VAPA: variants seen among roughly 807,000 people sequenced by gnomAD.
VAPA encodes vesicle-associated membrane protein-associated protein A.
Under a neutral mutation model 25.6 loss-of-function variants are expected in VAPA, and 6 were observed. The observed-to-expected ratio is 0.23, with a 90% CI of 0.13 to 0.46. The LOEUF is 0.46. Ranked by LOEUF, VAPA falls within the 20% of genes least tolerant of loss-of-function variation. VAPA has a pLI of 0.99. For missense variants in VAPA, 244 were observed against 302.1 expected, an observed-to-expected ratio of 0.81 and a Z score of 1.43; for synonymous variants, 112 against 106.2, an observed-to-expected ratio of 1.05 and a Z score of -0.34.
intron 2 of VAPA, among the ~76,000 whole-genome samples, chr18:9,934,465 G>A (rs1380838077): frequency 6.6e-6 from 1 of 152,290 alleles, no homozygotes; most frequent in Admixed American, 6.5e-5. Context: ...GTATTCTGAG[G>A]CATTTTATCC....
At position 9,955,519 on chromosome 18, in the gene VAPA, A is replaced by G. The variant is rs968555579; in HGVS notation, c.*1308A>G. ...TCCAGTGTTTAGCTACATACAATCT[A>G]GTACAAGTGAATTTTTATTCTTAAA... On this transcript the variant is annotated 3_prime_UTR_variant, in exon 6 of 6. Coordinates refer to ENST00000400000, the MANE Select transcript of VAPA (RefSeq NM_194434.3). The G allele has an allele frequency of 6.6e-6, 1 of 152,216 alleles. No individual in the cohort carries two copies. The highest frequency in any genetic ancestry group is 2.4e-5 in the African/African-American group (1 of 41,460). 9.4% of individuals were successfully genotyped at this position (152,216 alleles called of 1,614,324 possible).
At chr18:9,950,710 C>G in intron 5 of VAPA, 142 bp downstream of exon 5, 1 of 746,258 alleles carries the variant, frequency 1.3e-6, no homozygotes, top group African/African-American at 1.8e-5. Context: ...TGCTCCCCAC[C>G]CTACTCCTCT....
At chr18:9,918,981 G>A (rs999778893) in intron 1 of VAPA, among the ~76,000 whole-genome samples, 2 of 152,114 alleles carry the variant, frequency 1.3e-5, no homozygotes, top group African/African-American at 4.8e-5. Flanking sequence ...GCTCACTGCA[G>A]CCGTGACCTC....
rs1027069110 is a variant in VAPA at position 9,914,218 on chromosome 18, G to C, written c.-39G>C. 8 of 1,549,658 alleles carry C rather than the reference G, an allele frequency of 5.2e-6. No individual in the cohort carries two copies. The highest frequency in any genetic ancestry group is 1.9e-5 in the Admixed American group (1 of 53,836). The stretch of plus-strand genomic sequence containing the variant: ...GTCCCCCGCCCCCAGTCAGCAAACC[G>C]CCGCCGCGGGCGCGCCCCCGCTCTG... On this transcript the variant is annotated 5_prime_UTR_variant, in exon 1 of 6. Transcript: ENST00000400000.
At chr18:9,934,197 T>C (rs1048683293) in intron 2 of VAPA, among the ~76,000 whole-genome samples, 1 of 152,246 alleles carries the variant, frequency 6.6e-6, no homozygotes, top group African/African-American at 2.4e-5. Flanking sequence ...CTGTACTACA[T>C]GCTCATTTCT....
rs771989570 is a variant in VAPA at position 9,936,153 on chromosome 18, A to G, written c.276A>G (p.Lys92=). ...ACTATGATCCGAATGAAAAGAGTAA[A>G]CACAAGTTTATGGTACAGACAATTT... is the stretch of plus-strand genomic sequence containing the variant. ...PFDYDPNEKS[K]HKFMVQTIFA... is the part of the protein sequence containing the mutation. Residue 92 remains lysine (K), a synonymous_variant, in exon 3 of 6, where the codon AAA becomes AAG. Coordinates refer to ENST00000400000, the MANE Select transcript of VAPA (RefSeq NM_194434.3). 9 of 1,608,790 alleles carry G rather than the reference A, an allele frequency of 5.6e-6. No homozygotes were observed. The East Asian group carries it at 2.0e-4, about 36-fold the overall frequency.
intron 1 of VAPA, chr18:9,923,778 T>C (rs1405705327): frequency 6.6e-6 from 1 of 152,246 alleles, no homozygotes; most frequent in Non-Finnish European, 1.5e-5. Context: ...TCTGAATTTT[T>C]TCAGTTTTTT....
intron 4 of VAPA, chr18:9,948,100 A>C (rs1290025155): frequency 6.6e-6 from 1 of 152,120 alleles, no homozygotes; most frequent in East Asian, 1.9e-4. Context: ...ATTGGTTATC[A>C]TTTCTTCTCC....
At chr18:9,921,452 A>G (rs1398802875) in intron 1 of VAPA, among the ~76,000 whole-genome samples, 1 of 152,262 alleles carries the variant, frequency 6.6e-6, no homozygotes, top group Admixed American at 6.5e-5. Context: ...TGAAGCAGAA[A>G]AATGCATATA....
intron 1 of VAPA, among the ~76,000 whole-genome samples, chr18:9,917,010 C>G (rs563967159): frequency 6.6e-6 from 1 of 152,296 alleles, no homozygotes; most frequent in Admixed American, 6.5e-5. Context: ...GTACATTTTT[C>G]TGTATACCTC....
rs544420325 is a variant in VAPA, at chr18:9,931,136, C to A, written c.80-674C>A. Among the ~76,000 whole-genome samples the A allele has an allele frequency of 2.0e-5, 3 of 152,282 alleles. No homozygotes were observed. In the South Asian group the frequency reaches 6.2e-4, roughly 32 times the overall value. ...TGGAACATGTTTTTATGTTCTTCCTCCAAATTAACAGGTATTTATTTTGTT... is the reference window on the plus strand; with the variant it reads ...TGGAACATGTTTTTATGTTCTTCCTACAAATTAACAGGTATTTATTTTGTT... On this transcript the variant is annotated intron_variant, in intron 1 of 5. Transcript: ENST00000400000.
At chr18:9,916,607 A>G (rs2069113963) in intron 1 of VAPA, among the ~76,000 whole-genome samples, 2 of 152,112 alleles carry the variant, frequency 1.3e-5, no homozygotes, top group African/African-American at 4.8e-5. Flanking sequence ...TGATTCCTTA[A>G]TATTATCGTT....
At position 9,954,289 on chromosome 18, in the gene VAPA, T is replaced by C; in HGVS notation, c.*78T>C. ...AAGATTTGTTTACCTACCATTTCATTGGTAGTATGGCCCACGGTGACCATT... is the reference window on the plus strand; with the variant it reads ...AAGATTTGTTTACCTACCATTTCATCGGTAGTATGGCCCACGGTGACCATT... On this transcript the variant is annotated 3_prime_UTR_variant, in exon 6 of 6. Coordinates refer to ENST00000400000, the MANE Select transcript of VAPA (RefSeq NM_194434.3). 1.5e-6 allele frequency: 2 copies of C among 1,352,010 alleles called. No homozygotes were observed. The highest frequency in any genetic ancestry group is 2.0e-6 in the Non-Finnish European group (2 of 983,262). 83.8% of individuals were successfully genotyped at this position (1,352,010 alleles called of 1,614,324 possible).
At position 9,953,651 on chromosome 18, in the gene VAPA, C is replaced by G. The variant is rs576807706; in HGVS notation, c.592-402C>G. Among the ~76,000 whole-genome samples, 6 of 152,196 alleles carry G rather than the reference C, an allele frequency of 3.9e-5. No homozygotes were observed. In the South Asian group the frequency reaches 1.2e-3, roughly 32 times the overall value. The stretch of plus-strand genomic sequence containing the variant: ...GGACGGATGTAACTGATTTTAAATA[C>G]CATGGGCCACCTTGGAAGTACTCTT... On this transcript the variant is annotated intron_variant, in intron 5 of 5. Coordinates refer to ENST00000400000, the MANE Select transcript of VAPA (RefSeq NM_194434.3).
rs1303805423 is a variant in VAPA, at chr18:9,956,925, A to G, written c.*2714A>G. 2.0e-5 allele frequency: 3 copies of G among 152,206 alleles called. No homozygotes were observed. The highest frequency in any genetic ancestry group is 1.5e-5 in the Non-Finnish European group (1 of 68,040). The allele number at this position is 152,206 out of a possible 1,614,324, so 9.4% of individuals were successfully genotyped here. Reference sequence around the variant, plus strand: ...AACTTCCCCCATTCTTATATTTACAAGAAGCTAAGTCATTATGTTCTGAGT... The same window carrying G: ...AACTTCCCCCATTCTTATATTTACAGGAAGCTAAGTCATTATGTTCTGAGT... On this transcript the variant is annotated 3_prime_UTR_variant, in exon 6 of 6. Coordinates refer to ENST00000400000, the MANE Select transcript of VAPA (RefSeq NM_194434.3).
intron 1 of VAPA, among the ~76,000 whole-genome samples, chr18:9,923,677 T>C (rs1347318112): frequency 3.9e-5 from 6 of 152,182 alleles, no homozygotes; most frequent in African/African-American, 1.4e-4. Context: ...TTTTAAAGCC[T>C]GTAGGGCCAG....
rs1367965694 is a variant in VAPA, at chr18:9,914,250, C to T, written c.-7C>T. ...CGGGCGCGCCCCCGCTCTGCGCTGTCTCTCCGATGGCGTCCGCCTCAGGGG... is the reference window on the plus strand; with the variant it reads ...CGGGCGCGCCCCCGCTCTGCGCTGTTTCTCCGATGGCGTCCGCCTCAGGGG... On this transcript the variant is annotated 5_prime_UTR_variant, in exon 1 of 6. Transcript: ENST00000400000. The T allele has an allele frequency of 7.0e-6, 11 of 1,579,552 alleles. No individual in the cohort carries two copies. The African/African-American group carries it at 7.1e-5, about 10-fold the overall frequency.
intron 4 of VAPA, among the ~76,000 whole-genome samples, chr18:9,943,915 C>T (rs1342066832): frequency 8.6e-6 from 1 of 116,784 alleles, no homozygotes; most frequent in Non-Finnish European, 1.6e-5. Flanking sequence ...GGCTGGAGTG[C>T]AGTGGCGCGA....
At chr18:9,928,712 A>G (rs916785336) in intron 1 of VAPA, among the ~76,000 whole-genome samples, 4 of 152,016 alleles carry the variant, frequency 2.6e-5, no homozygotes, top group Admixed American at 2.0e-4. Flanking sequence ...ACATAAGGGG[A>G]AAAAAAGGAA....
Sources: allele counts gnomAD v4.1 joint callset (sites outside exome capture counted in the v4.1 genomes callset), GRCh38; gene constraint gnomAD v4.1.1; transcripts MANE v1.5; gene names NCBI Gene and HGNC (gene_info 2026-07-23, HGNC 2026-07-21).